BABAM2: variants seen among roughly 807,000 people sequenced by gnomAD.
The protein encoded by BABAM2 is BRISC and BRCA1-A complex member 2.
Under a neutral mutation model 54.7 loss-of-function variants are expected in BABAM2, and 31 were observed. The ratio of observed to expected loss-of-function variants is 0.57; its 90% CI spans 0.43 to 0.77. The LOEUF (loss-of-function observed/expected upper bound fraction) is 0.77, where lower values mean the gene tolerates loss of function less well. BABAM2 is among the 30% of genes least tolerant of loss of function. The probability of loss-of-function intolerance (pLI) is 0.00; values close to 1 mark genes in which losing one functional copy is unlikely to be tolerated. For synonymous variants in BABAM2, 167 were observed against 162.9 expected, an observed-to-expected ratio of 1.03 and a Z score of -0.19; for missense variants, 364 against 455.8, an observed-to-expected ratio of 0.80 and a Z score of 1.83.
chr2:28,233,730 C>T (rs1271522580), intron 7 of BABAM2, among the ~76,000 whole-genome samples: 1 of 152,186 alleles, frequency 6.6e-6, no homozygotes, highest in African/African-American at 2.4e-5. Context: ...GTGCTTTGCA[C>T]CTGTTGAGGC....
intron 10 of BABAM2, among the ~76,000 whole-genome samples, chr2:28,246,322 C>G (rs1190812194): frequency 6.6e-6 from 1 of 152,182 alleles, no homozygotes; most frequent in Non-Finnish European, 1.5e-5. Flanking sequence ...GGCTTAATTC[C>G]TTTGTGAAAT....
intron 6 of BABAM2, among the ~76,000 whole-genome samples, chr2:28,124,266 G>T (rs1309287577): frequency 3.3e-5 from 5 of 152,160 alleles, no homozygotes; most frequent in African/African-American, 1.2e-4. Context: ...TTCAAGCTCA[G>T]CTTTAACCTT....
At chr2:28,015,996 T>C (rs537213701) in intron 4 of BABAM2, 1 of 597,416 alleles carries the variant, frequency 1.7e-6, no homozygotes, top group African/African-American at 1.9e-5. Flanking sequence ...CAGTTGCATC[T>C]TTTGACTTCT....
At chr2:28,277,908 T>C (rs912619314) in intron 10 of BABAM2, among the ~76,000 whole-genome samples, 2 of 152,176 alleles carry the variant, frequency 1.3e-5, no homozygotes, top group African/African-American at 4.8e-5. Context: ...AATGCCATAA[T>C]ACATGTGTAG....
intron 2 of BABAM2, among the ~76,000 whole-genome samples, chr2:27,920,690 C>T (rs1224178048): frequency 6.6e-6 from 1 of 152,084 alleles, no homozygotes; most frequent in Non-Finnish European, 1.5e-5. Context: ...AAACAGGAAG[C>T]TATGTAGGAC....
At chr2:27,988,147 T>C in intron 4 of BABAM2, 60 bp downstream of exon 4, 1 of 1,501,738 alleles carries the variant, frequency 6.7e-7, no homozygotes, top group South Asian at 1.1e-5. Context: ...CAAAATTGGC[T>C]TTCAGCAGTT....
chr2:28,282,124 G>A (rs952055145), intron 10 of BABAM2, among the ~76,000 whole-genome samples: 9 of 152,176 alleles, frequency 5.9e-5, no homozygotes, highest in African/African-American at 2.2e-4. Context: ...ATACAGTGTT[G>A]TGGAAACCAT....
chr2:28,287,381 T>A (rs1222966824), intron 10 of BABAM2, among the ~76,000 whole-genome samples: 1 of 152,228 alleles, frequency 6.6e-6, no homozygotes, highest in Non-Finnish European at 1.5e-5. Flanking sequence ...AAATGCTATT[T>A]ATGGTGTTCT....
intron 3 of BABAM2, among the ~76,000 whole-genome samples, chr2:27,983,138 G>C (rs75674096): frequency 1.3e-5 from 2 of 151,944 alleles, no homozygotes; most frequent in East Asian, 3.9e-4. Context: ...GCACTTCCAA[G>C]GGGTTCCAAT....
rs940538688 is a variant in BABAM2, at chr2:28,304,528, T to C, written c.1088+6037T>C. On this transcript the variant is annotated intron_variant, in intron 11 of 11. Coordinates refer to ENST00000379624, the MANE Select transcript of BABAM2 (RefSeq NM_199191.3). This position sits in a 1 kb window ranked among gnomAD's most constrained non-coding sequence, Gnocchi z 4.0. The stretch of plus-strand genomic sequence containing the variant: ...CATCCTGTGACATTGCTAAATTCAC[T>C]TATTACTACTAAAATCTAATAGATT... Among the ~76,000 whole-genome samples, 1 of 151,938 alleles carries C rather than the reference T, an allele frequency of 6.6e-6. No individual in the cohort carries two copies. Among genetic ancestry groups the C allele is most frequent in the Non-Finnish European group, 1.5e-5 (1 of 67,966 alleles).
chr2:28,123,539 T>C (rs1669255632), intron 6 of BABAM2, among the ~76,000 whole-genome samples: 1 of 152,216 alleles, frequency 6.6e-6, no homozygotes, highest in African/African-American at 2.4e-5. Context: ...CCATTAGTGG[T>C]TACAGTAATC....
At chr2:28,244,160 CTACTTT>C (rs1449336394) in intron 9 of BABAM2, among the ~76,000 whole-genome samples, 1 of 152,088 alleles carries the variant, frequency 6.6e-6, no homozygotes, top group African/African-American at 2.4e-5. Flanking sequence ...TCTAGTGTTG[CTACTTT>C]GCCTTAAGCC....
In BABAM2 at chr2:27,929,838, A is replaced by G. The variant is rs749318848; in HGVS notation, c.135A>G (p.Thr45=). The G allele has an allele frequency of 3.1e-6, 5 of 1,613,604 alleles. 1 individual carries two copies. The highest frequency in any genetic ancestry group is 4.5e-5 in the East Asian group (2 of 44,858). ...GTTTCTGCATTTTTTAAAGCTGCAC[A>G]TCATTGACTCCTGGGCCCAACTGTG... ...LRITDLKSGC[T]SLTPGPNCDR... The change falls in exon 3 of 12, where the codon ACA becomes ACG. Residue 45 remains threonine, a synonymous_variant. Transcript: ENST00000379624.
chr2:28,123,797 C>T (rs977334143), intron 6 of BABAM2, among the ~76,000 whole-genome samples: 11 of 152,086 alleles, frequency 7.2e-5, no homozygotes, highest in African/African-American at 2.7e-4. Flanking sequence ...ACATATAAAA[C>T]GAACTCCTGG....
intron 7 of BABAM2, among the ~76,000 whole-genome samples, chr2:28,205,562 A>C (rs1389808623): frequency 6.6e-6 from 1 of 152,168 alleles, no homozygotes; most frequent in Non-Finnish European, 1.5e-5. Context: ...TTTACAGATG[A>C]AGAAAGCACA....
intron 2 of BABAM2, among the ~76,000 whole-genome samples, chr2:27,908,462 G>A (rs1666343811): frequency 6.6e-6 from 1 of 151,868 alleles, no homozygotes; most frequent in South Asian, 2.1e-4. Flanking sequence ...TTTTCGAAAT[G>A]GGGTTGCGCC....
chr2:28,332,093 TAAGTGGG>T (rs1388475225), intron 11 of BABAM2, among the ~76,000 whole-genome samples: 1 of 152,118 alleles, frequency 6.6e-6, no homozygotes, highest in Non-Finnish European at 1.5e-5. Flanking sequence ...TTGTCTCTTA[TAAGTGGG>T]AGCTGAACAA....
chr2:28,100,419 C>T (rs548799732), intron 6 of BABAM2, among the ~76,000 whole-genome samples: 1 of 139,324 alleles, frequency 7.2e-6, no homozygotes, highest in African/African-American at 2.7e-5. Flanking sequence ...GAGACCGTGC[C>T]ACTGCACTCC....
intron 2 of BABAM2, among the ~76,000 whole-genome samples, chr2:27,927,842 T>TG (rs987934360): frequency 3.3e-5 from 5 of 150,756 alleles, no homozygotes; most frequent in Non-Finnish European, 4.4e-5. Context: ...GTTTCTGTTT[T>TG]TTTTTTTTTT....
Sources: allele counts gnomAD v4.1 joint callset (sites outside exome capture counted in the v4.1 genomes callset), GRCh38; gene constraint gnomAD v4.1.1; non-coding constraint Gnocchi (gnomAD v3.1); transcripts MANE v1.5; gene names NCBI Gene and HGNC (gene_info 2026-07-23, HGNC 2026-07-21).